Variants in SLC44A5 observed in about 807,000 individuals in gnomAD.
SLC44A5 encodes solute carrier family 44 member 5, also known as choline transporter-like protein 5.
A neutral mutation model predicts 101.8 loss-of-function variants in SLC44A5; 57 were observed. The ratio of observed to expected loss-of-function variants is 0.56; its 90% CI spans 0.45 to 0.70. SLC44A5 has a LOEUF of 0.70. Among genes scored for constraint, SLC44A5 ranks in the 30% least tolerant of loss-of-function variants. The pLI, the probability that SLC44A5 is intolerant of heterozygous loss-of-function variation, is 0.00. For missense variants in SLC44A5, 737 were observed against 853.1 expected (o/e 0.86, Z 1.70); for synonymous variants, 281 against 290.9 (o/e 0.97, Z 0.35).
At chr1:75,460,033 G>C (rs984430872) in intron 2 of SLC44A5, among the ~76,000 whole-genome samples, 12 of 152,124 alleles carry the variant, frequency 7.9e-5, no homozygotes, top group African/African-American at 2.9e-4. Context: ...TCAGGTAGCA[G>C]GTGTTCCTGA....
intron 2 of SLC44A5, among the ~76,000 whole-genome samples, chr1:75,505,500 C>T (rs867027058): frequency 6.6e-6 from 1 of 152,176 alleles, no homozygotes; most frequent in Non-Finnish European, 1.5e-5. Flanking sequence ...CTTTTCTCTG[C>T]AGCCTCACCA....
intron 9 of SLC44A5, among the ~76,000 whole-genome samples, chr1:75,238,912 C>T (rs561269395): frequency 7.5e-4 from 114 of 152,122 alleles, no homozygotes; most frequent in Non-Finnish European, 1.2e-3. Flanking sequence ...ATGTACATCA[C>T]AGGTTTTAAA....
chr1:75,393,063 T>G (rs1661898698), intron 3 of SLC44A5, among the ~76,000 whole-genome samples: 1 of 152,172 alleles, frequency 6.6e-6, no homozygotes, highest in Non-Finnish European at 1.5e-5. Context: ...GCTCACTATT[T>G]GGGTGACAGA....
At chr1:75,543,703 A>ATG (rs1466133908) in intron 1 of SLC44A5, among the ~76,000 whole-genome samples, 1 of 148,222 alleles carries the variant, frequency 6.7e-6, no homozygotes, top group Non-Finnish European at 1.5e-5. Context: ...ATATACATAT[A>ATG]TATATATAAT....
the SLC44A5 span, among the ~76,000 whole-genome samples, chr1:75,698,933 C>A: frequency 6.6e-6 from 1 of 151,704 alleles, no homozygotes; most frequent in Non-Finnish European, 1.5e-5. Context: ...TGAAATGAAG[C>A]GAGAAGGGAA....
chr1:75,642,668 C>A, the SLC44A5 span, among the ~76,000 whole-genome samples: 1 of 151,916 alleles, frequency 6.6e-6, no homozygotes, highest in Non-Finnish European at 1.5e-5. Flanking sequence ...CTTGCTGAAG[C>A]CATAACTCAA....
intron 13 of SLC44A5, among the ~76,000 whole-genome samples, chr1:75,224,617 A>G (rs1320494807): frequency 6.6e-6 from 1 of 152,032 alleles, no homozygotes; most frequent in African/African-American, 2.4e-5. Context: ...TTTAGATAAA[A>G]TAGAGATAGG....
At chr1:75,418,203 T>C (rs1663781274) in intron 2 of SLC44A5, among the ~76,000 whole-genome samples, 1 of 152,224 alleles carries the variant, frequency 6.6e-6, no homozygotes, top group African/African-American at 2.4e-5. Flanking sequence ...AACAATGCAG[T>C]GCTCCATTAC....
intron 3 of SLC44A5, among the ~76,000 whole-genome samples, chr1:75,372,440 A>G (rs1174915581): frequency 6.6e-6 from 1 of 152,182 alleles, no homozygotes; most frequent in Non-Finnish European, 1.5e-5. Context: ...CACTGAGGAT[A>G]TTCAACATAA....
intron 4 of SLC44A5, among the ~76,000 whole-genome samples, chr1:75,332,831 C>T (rs1657149401): frequency 6.6e-6 from 1 of 152,162 alleles, no homozygotes; most frequent in South Asian, 2.1e-4. Flanking sequence ...ATATAATGCA[C>T]TATGTGGACA....
chr1:75,642,739 G>A, the SLC44A5 span, among the ~76,000 whole-genome samples: 58 of 152,142 alleles, frequency 3.8e-4, no homozygotes, highest in South Asian at 7.0e-3. Context: ...TTAAATTAAT[G>A]GCCTTGGTTG....
chr1:75,327,002 A>G (rs1656650749), intron 4 of SLC44A5, among the ~76,000 whole-genome samples: 1 of 152,134 alleles, frequency 6.6e-6, no homozygotes, highest in Admixed American at 6.6e-5. Flanking sequence ...GTACATGTAA[A>G]TCAACTATGG....
intron 2 of SLC44A5, among the ~76,000 whole-genome samples, chr1:75,414,605 T>C (rs558274995): frequency 6.6e-6 from 1 of 152,046 alleles, no homozygotes; most frequent in African/African-American, 2.4e-5. Context: ...AGGCTTTAAG[T>C]GCTATAAATG....
chr1:75,702,596 T>C, the SLC44A5 span, among the ~76,000 whole-genome samples: 4 of 152,158 alleles, frequency 2.6e-5, no homozygotes, highest in Admixed American at 1.3e-4. Flanking sequence ...GACATAGGCA[T>C]GGGCGAGGAC....
chr1:75,604,400 G>A (rs6682395), intron 1 of SLC44A5, among the ~76,000 whole-genome samples: 28,073 of 152,046 alleles, frequency 0.18, 2,881 homozygotes, highest in Admixed American at 0.26. Flanking sequence ...GTACCATGCT[G>A]TTTTGCTTAC....
chr1:75,655,351 G>A, the SLC44A5 span, among the ~76,000 whole-genome samples: 1 of 152,188 alleles, frequency 6.6e-6, no homozygotes, highest in Admixed American at 6.5e-5. Flanking sequence ...TTCTTCAGGT[G>A]CCCAGGAAGG....
At chr1:75,298,558 T>C (rs1326052056) in intron 5 of SLC44A5, among the ~76,000 whole-genome samples, 1 of 151,904 alleles carries the variant, frequency 6.6e-6, no homozygotes, top group African/African-American at 2.4e-5. Context: ...TGGCAGTGGG[T>C]TTTCCCACTC....
intron 2 of SLC44A5, among the ~76,000 whole-genome samples, chr1:75,459,496 A>G (rs2101688176): frequency 6.6e-6 from 1 of 152,248 alleles, no homozygotes; most frequent in Middle Eastern, 3.4e-3. Context: ...CCAGCACCTG[A>G]CAACCACTCG....
chr1:75,499,195 G>A (rs947845342), intron 2 of SLC44A5, among the ~76,000 whole-genome samples: 6 of 152,094 alleles, frequency 3.9e-5, no homozygotes, highest in Admixed American at 6.6e-5. Flanking sequence ...TTTTGGCACC[G>A]GGGACCTGAT....
Sources: allele counts gnomAD v4.1 joint callset (sites outside exome capture counted in the v4.1 genomes callset), GRCh38; gene constraint gnomAD v4.1.1; transcripts MANE v1.5; gene names NCBI Gene and HGNC (gene_info 2026-07-23, HGNC 2026-07-21).